Variants in PRKAR1B observed in about 807,000 individuals in gnomAD.
PRKAR1B encodes the protein protein kinase cAMP-dependent type I regulatory subunit beta, also known as cAMP-dependent protein kinase type I-beta regulatory subunit.
A neutral mutation model predicts 46.5 loss-of-function variants in PRKAR1B; 22 were observed. The observed-to-expected ratio is 0.47, with a 90% CI of 0.34 to 0.68. The LOEUF is 0.68. PRKAR1B is among the 30% of genes least tolerant of loss of function. PRKAR1B has a pLI of 0.01. For synonymous variants in PRKAR1B, 259 were observed against 217.7 expected (o/e 1.19, Z -1.67); for missense variants, 445 against 535.6 (o/e 0.83, Z 1.67).
At chr7:681,672 G>A (rs1445596136) in intron 2 of PRKAR1B, among the ~76,000 whole-genome samples, 4 of 152,108 alleles carry the variant, frequency 2.6e-5, no homozygotes, top group Non-Finnish European at 5.9e-5. Context: ...GGGTTGCTCC[G>A]AAGCCCACCC....
chr7:575,754 T>C (rs1463508056), intron 9 of PRKAR1B, among the ~76,000 whole-genome samples: 1 of 152,040 alleles, frequency 6.6e-6, no homozygotes, highest in African/African-American at 2.4e-5. Context: ...TTTAAATTTT[T>C]AGTAGAGATG....
intron 4 of PRKAR1B, among the ~76,000 whole-genome samples, chr7:630,459 C>G (rs1016627429): frequency 6.6e-6 from 1 of 152,206 alleles, no homozygotes; most frequent in Admixed American, 6.5e-5. Context: ...GCATCTGAGG[C>G]CTGTGGGTAC....
intron 4 of PRKAR1B, among the ~76,000 whole-genome samples, chr7:636,668 G>C (rs1038128615): frequency 1.3e-5 from 2 of 152,260 alleles, no homozygotes; most frequent in African/African-American, 4.8e-5. Flanking sequence ...GCCACTGTGA[G>C]GACAGCAGCT....
At chr7:668,626 C>T (rs1227014869) in intron 4 of PRKAR1B, among the ~76,000 whole-genome samples, 2 of 152,184 alleles carry the variant, frequency 1.3e-5, no homozygotes, top group South Asian at 2.1e-4. Context: ...GCGTAGCTCT[C>T]GGATCCAGAG....
chr7:662,564 C>T (rs983330635), intron 4 of PRKAR1B, among the ~76,000 whole-genome samples: 1 of 148,316 alleles, frequency 6.7e-6, no homozygotes. Context: ...CCCACCCCAA[C>T]AGATGCAATT....
intron 1 of PRKAR1B, among the ~76,000 whole-genome samples, chr7:718,484 G>A (rs570986212): frequency 6.6e-6 from 1 of 151,546 alleles, no homozygotes; most frequent in East Asian, 1.9e-4. Context: ...AGCCTCCCAA[G>A]TAGCTGGGAT....
intron 1 of PRKAR1B, among the ~76,000 whole-genome samples, chr7:720,535 A>C (rs1781037225): frequency 6.6e-6 from 1 of 152,222 alleles, no homozygotes; most frequent in Non-Finnish European, 1.5e-5. Flanking sequence ...CTATACCTTA[A>C]TGACTATCTG....
intron 1 of PRKAR1B, among the ~76,000 whole-genome samples, chr7:717,098 C>T (rs925511517): frequency 2.6e-5 from 4 of 152,136 alleles, no homozygotes; most frequent in African/African-American, 9.7e-5. Flanking sequence ...CGAGACCAGC[C>T]TGGGCAACAT....
chr7:620,620 T>C (rs1296610609), intron 4 of PRKAR1B, among the ~76,000 whole-genome samples: 3 of 152,248 alleles, frequency 2.0e-5, no homozygotes, highest in Non-Finnish European at 4.4e-5. Context: ...TATTTATGGA[T>C]TCCTTGGGCT....
intron 4 of PRKAR1B, among the ~76,000 whole-genome samples, chr7:642,677 G>A (rs1341442679): frequency 6.7e-6 from 1 of 149,946 alleles, no homozygotes; most frequent in African/African-American, 2.5e-5. Flanking sequence ...GTGAGCCAGT[G>A]AGCCGAGATC....
chr7:581,068 C>T (rs995085427), intron 8 of PRKAR1B, among the ~76,000 whole-genome samples: 1 of 152,146 alleles, frequency 6.6e-6, no homozygotes, highest in Non-Finnish European at 1.5e-5. Flanking sequence ...CTTTGGGAGG[C>T]CGAGGCGGGC....
In PRKAR1B at chr7:666,440, C is replaced by T. The variant is rs113642264; in HGVS notation, c.440+10789G>A. On this transcript the variant is annotated intron_variant, in intron 4 of 10. Transcript: ENST00000537384. This position sits in a 1 kb window ranked among gnomAD's most constrained non-coding sequence, Gnocchi z 4.9. ...CCCAGGTAGGATGCGGAATCTGCTT[C>T]GCTCCAATAGCTGACACAAGGTGAG... is the stretch of plus-strand genomic sequence containing the variant. 1.9e-3 allele frequency among the ~76,000 whole-genome samples: 293 copies of T among 152,266 alleles called. No individual in the cohort carries two copies. Among genetic ancestry groups the T allele is most frequent in the Non-Finnish European group, 3.2e-3 (218 of 68,016 alleles).
intron 2 of PRKAR1B, among the ~76,000 whole-genome samples, chr7:703,783 C>T (rs1780180262): frequency 2.0e-5 from 3 of 152,114 alleles, no homozygotes; most frequent in Non-Finnish European, 2.9e-5. Flanking sequence ...TCTAAGGGCA[C>T]GTGTGATATT....
At chr7:726,867 CT>C in intron 1 of PRKAR1B, 1 of 1,320,520 alleles carries the variant, frequency 7.6e-7, no homozygotes. Flanking sequence ...GGCGGCGCGC[CT>C]TGGAGGCCCT....
rs969912324 is a variant in PRKAR1B, at chr7:593,288, G to A, written c.708+2858C>T. On this transcript the variant is annotated intron_variant, in intron 7 of 10. Coordinates refer to ENST00000537384, the MANE Select transcript of PRKAR1B (RefSeq NM_001164760.2). This position sits in a 1 kb window ranked among gnomAD's most constrained non-coding sequence, Gnocchi z 6.1. ...CTGGAGACACCAGACCGGGTCTCCC[G>A]CGTCCCCCAGGTCCCAGCACGTCCC... Among the ~76,000 whole-genome samples the A allele has an allele frequency of 3.9e-5, 6 of 152,140 alleles. No individual in the cohort carries two copies. Among genetic ancestry groups the A allele is most frequent in the East Asian group, 1.9e-4 (1 of 5,178 alleles).
intron 2 of PRKAR1B, among the ~76,000 whole-genome samples, chr7:706,585 A>ATTT (rs754034242): frequency 0.015 from 1,650 of 113,714 alleles, 25 homozygotes; most frequent in Admixed American, 0.024. Context: ...TGCCCAGCTA[A>ATTT]TTTTTTTTTT....
chr7:586,673 A>G (rs889375666), intron 7 of PRKAR1B, among the ~76,000 whole-genome samples: 1 of 152,224 alleles, frequency 6.6e-6, no homozygotes, highest in African/African-American at 2.4e-5. Context: ...ACTAAGTTTG[A>G]GGGGAATTTG....
chr7:619,853 T>A (rs969298893), intron 4 of PRKAR1B, among the ~76,000 whole-genome samples: 2 of 152,086 alleles, frequency 1.3e-5, no homozygotes, highest in Non-Finnish European at 2.9e-5. Context: ...TTTTTTGTTT[T>A]GTTGTTTGTT....
At chr7:678,139 T>TG (rs1235265396) in intron 3 of PRKAR1B, among the ~76,000 whole-genome samples, 2 of 150,752 alleles carry the variant, frequency 1.3e-5, no homozygotes, top group Non-Finnish European at 2.9e-5. Flanking sequence ...GGAAAGGTGG[T>TG]GGGCACCTGT....
Sources: allele counts gnomAD v4.1 joint callset (sites outside exome capture counted in the v4.1 genomes callset), GRCh38; gene constraint gnomAD v4.1.1; non-coding constraint Gnocchi (gnomAD v3.1); transcripts MANE v1.5; gene names NCBI Gene and HGNC (gene_info 2026-07-23, HGNC 2026-07-21).